Variants in DNAH10 observed in about 807,000 individuals in gnomAD.
DNAH10 encodes the protein dynein axonemal heavy chain 10.
In DNAH10, 348 loss-of-function variants were observed where a neutral mutation model predicts 506.6. The ratio of observed to expected loss-of-function variants is 0.69; its 90% CI spans 0.63 to 0.75. DNAH10 has a LOEUF of 0.75. DNAH10 is among the 30% of genes least tolerant of loss of function. DNAH10 has a pLI of 0.00. For synonymous variants in DNAH10, 2,059 were observed against 2,198.6 expected, an observed-to-expected ratio of 0.94 and a Z score of 1.78; for missense variants, 5,179 against 5,787.1, an observed-to-expected ratio of 0.89 and a Z score of 3.41.
Position 123,826,672 on chromosome 12 carries a change from C to T in DNAH10, c.4180-15C>T, listed in dbSNP as rs1341317272. The T allele has an allele frequency of 6.2e-7, 1 of 1,611,390 alleles. No individual in the cohort carries two copies. The stretch of plus-strand genomic sequence containing the variant: ...GGGGTCTTTGTTGATGGAGCTGTTC[C>T]TTGCACGTTTCCAGGTTGCAAAAGA... On this transcript the variant is annotated splice_polypyrimidine_tract_variant and intron_variant, in intron 24 of 78. Transcript: ENST00000673944.
intron 18 of DNAH10, among the ~76,000 whole-genome samples, chr12:123,808,352 C>T (rs1375604931): frequency 6.6e-6 from 1 of 152,008 alleles, no homozygotes; most frequent in Non-Finnish European, 1.5e-5. Flanking sequence ...AATAGTGTCT[C>T]TGGCTGCCAT....
At position 123,784,073 on chromosome 12, in the gene DNAH10, A is replaced by G. The variant is rs377654704; in HGVS notation, c.1126A>G (p.Met376Val). ...VLDVIKESDS[M>V]LVANLQPVFT... is the part of the protein sequence containing the mutation. The stretch of plus-strand genomic sequence containing the variant: ...GGATGTGATCAAGGAATCCGACTCC[A>G]TGCTTGTGGCTAATCTGCAGCCAGT... Residue 376 changes from methionine (M) to valine (V), a missense_variant, in exon 8 of 79, where the codon ATG (methionine) becomes GTG (valine). This residue lies in a region of DNAH10 where 4,844 missense variants were observed against 5,430.5 expected (regional missense o/e 0.89). Transcript: ENST00000673944. 3.5e-5 allele frequency: 56 copies of G among 1,614,112 alleles called. No individual in the cohort carries two copies. The highest frequency in any genetic ancestry group is 4.3e-5 in the Non-Finnish European group (51 of 1,180,050).
chr12:123,799,573 C>A lies in DNAH10; in HGVS notation c.2289+202C>A, dbSNP rs930608165. Reference sequence around the variant, plus strand: ...TAGGACGCGGGCTGGAAACGGGCAGCCCTACTGACTTCTTGGGCAAGTGGC... The same window carrying A: ...TAGGACGCGGGCTGGAAACGGGCAGACCTACTGACTTCTTGGGCAAGTGGC... On this transcript the variant is annotated intron_variant, in intron 14 of 78. Transcript: ENST00000673944. Among the ~76,000 whole-genome samples the A allele has an allele frequency of 1.3e-5, 2 of 152,102 alleles. 1 individual carries two copies. The highest frequency in any genetic ancestry group is 1.3e-4 in the Admixed American group (2 of 15,260).
chr12:123,905,824 A>G (rs1045995044), intron 57 of DNAH10, among the ~76,000 whole-genome samples: 1 of 151,906 alleles, frequency 6.6e-6, no homozygotes, highest in Non-Finnish European at 1.5e-5. Flanking sequence ...CTGGTTTGTC[A>G]TGGGCTATTT....
chr12:123,923,841 A>T lies in DNAH10; in HGVS notation c.11585A>T (p.Gln3862Leu). ...GAACAAGCAGAAGGGAGAGTCCCTCAAGAAGAACTAGATTTCTTTTTAAAA... is the reference window on the plus strand; with the variant it reads ...GAACAAGCAGAAGGGAGAGTCCCTCTAGAAGAACTAGATTTCTTTTTAAAA... ...KIEQAEGRVP[Q>L]EELDFFLKGN... The change falls in exon 66 of 79, where the codon CAA becomes CTA. Residue 3862 changes from glutamine to leucine, a missense_variant. This residue lies in a region of DNAH10 where 4,844 missense variants were observed against 5,430.5 expected (regional missense o/e 0.89). Coordinates refer to ENST00000673944, the MANE Select transcript of DNAH10 (RefSeq NM_001372106.1). The T allele has an allele frequency of 6.2e-7, 1 of 1,610,984 alleles. No homozygotes were observed. The highest frequency in any genetic ancestry group is 8.5e-7 in the Non-Finnish European group (1 of 1,179,076).
chr12:123,918,924 C>T lies in DNAH10; in HGVS notation c.11481C>T (p.Phe3827=), dbSNP rs769201538. ...GGAACATCATGGACACGCTGACCTTCAGCATCTATAACCACGGCTGCACAG... is the reference window on the plus strand; with the variant it reads ...GGAACATCATGGACACGCTGACCTTTAGCATCTATAACCACGGCTGCACAG... The part of the protein sequence containing the change: ...RLRNIMDTLT[F]SIYNHGCTGL... Residue 3827 remains phenylalanine, a synonymous_variant, in exon 65 of 79, where the codon TTC becomes TTT. Transcript: ENST00000673944. 3 of 1,613,258 alleles carry T rather than the reference C, an allele frequency of 1.9e-6. No homozygotes were observed. In the Admixed American group the frequency reaches 5.0e-5, roughly 27 times the overall value.
chr12:123,794,480 A>G (rs1428409361), intron 12 of DNAH10, among the ~76,000 whole-genome samples: 1 of 152,204 alleles, frequency 6.6e-6, no homozygotes, highest in Non-Finnish European at 1.5e-5. Context: ...AGGCACAGAG[A>G]TAGAGAGATG....
At position 123,871,564 on chromosome 12, in the gene DNAH10, A is replaced by G; in HGVS notation, c.7747A>G (p.Thr2583Ala). ...ATCTGGCACTTCTAAGACAGCCACT[A>G]CCCAGAATTTCCTCAAAAATCTGAG... ...GESGTSKTAT[T>A]QNFLKNLSEE... The change falls in exon 45 of 79, where the codon ACC becomes GCC. Residue 2583 changes from threonine to alanine, a missense_variant. Physicochemically the swap from Thr to Ala is moderately conservative, Grantham distance 58. Coordinates refer to ENST00000673944, the MANE Select transcript of DNAH10 (RefSeq NM_001372106.1). The G allele has an allele frequency of 6.4e-7, 1 of 1,551,584 alleles. No individual in the cohort carries two copies. The highest frequency in any genetic ancestry group is 8.7e-7 in the Non-Finnish European group (1 of 1,147,124).
intron 52 of DNAH10, among the ~76,000 whole-genome samples, chr12:123,887,849 A>G (rs1188932663): frequency 1.3e-5 from 2 of 151,252 alleles, no homozygotes; most frequent in Admixed American, 6.6e-5. Context: ...GGTTCACACC[A>G]TTCTCCTGCC....
intron 19 of DNAH10, among the ~76,000 whole-genome samples, chr12:123,811,836 G>T (rs1460560841): frequency 6.6e-6 from 1 of 151,218 alleles, no homozygotes; most frequent in South Asian, 2.1e-4. Context: ...ACAGGGTTTC[G>T]CTATTTTGGC....
chr12:123,771,694 C>T lies in DNAH10; in HGVS notation c.392C>T (p.Ser131Phe). The T allele has an allele frequency of 6.2e-7, 1 of 1,609,390 alleles. No individual in the cohort carries two copies. Among genetic ancestry groups the T allele is most frequent in the Non-Finnish European group, 8.5e-7 (1 of 1,177,772 alleles). Residue 131 changes from serine to phenylalanine, a missense_variant, in exon 3 of 79, where the codon TCC becomes TTC. By Grantham distance (155) the Ser-to-Phe change is radical (BLOSUM62 -2). Transcript: ENST00000673944. Reference protein sequence around the residue: ...MDKEISEKLPSKRTAKHIMEK... With the variant: ...MDKEISEKLPFKRTAKHIMEK... ...AAAGAGATTTCAGAAAAACTCCCTT[C>T]CAAAGTAAGCATGGCTCTTTGTCCT...
intron 3 of DNAH10, among the ~76,000 whole-genome samples, chr12:123,772,501 T>A (rs1295587990): frequency 6.6e-6 from 1 of 152,258 alleles, no homozygotes; most frequent in African/African-American, 2.4e-5. Flanking sequence ...GCATTCAGCC[T>A]GGCCTATGCT....
rs1196205698 is a variant in DNAH10, at chr12:123,917,052, A to T, written c.11002+316A>T. 2.0e-5 allele frequency among the ~76,000 whole-genome samples: 3 copies of T among 150,606 alleles called. No homozygotes were observed. The highest frequency in any genetic ancestry group is 1.9e-4 in the East Asian group (1 of 5,158). Reference sequence around the variant, plus strand: ...TTTAAAATACATGTTGTGATGTTGAATTTTTTTTTTCTTCCTCTCAGTTGA... The same window carrying T: ...TTTAAAATACATGTTGTGATGTTGATTTTTTTTTTTCTTCCTCTCAGTTGA... On this transcript the variant is annotated intron_variant, in intron 63 of 78. Coordinates refer to ENST00000673944, the MANE Select transcript of DNAH10 (RefSeq NM_001372106.1). The surrounding 1 kb of genome is among the most constrained non-coding windows in gnomAD (Gnocchi z 5.6).
rs771956748 is a variant in DNAH10, at chr12:123,833,142, A to G, written c.4574A>G (p.Glu1525Gly). 2.0e-5 allele frequency: 33 copies of G among 1,612,980 alleles called. No homozygotes were observed. The East Asian group carries it at 3.6e-4, about 17-fold the overall frequency. ...KAVKEILDTW[E>G]NMKFTVVKYC... The stretch of plus-strand genomic sequence containing the variant: ...GTGAAGGAAATCCTAGACACGTGGG[A>G]AAATATGAAATTCACTGTAGTCAAG... The change falls in exon 27 of 79, where the codon GAA (glutamate) becomes GGA (glycine). Residue 1525 changes from glutamate to glycine, a missense_variant. Physicochemically the swap from Glu to Gly is moderately conservative, Grantham distance 98 (BLOSUM62 -2). Coordinates refer to ENST00000673944, the MANE Select transcript of DNAH10 (RefSeq NM_001372106.1).
At chr12:123,770,100 T>C (rs1325008008) in intron 2 of DNAH10, among the ~76,000 whole-genome samples, 1 of 151,592 alleles carries the variant, frequency 6.6e-6, no homozygotes, top group African/African-American at 2.4e-5. Flanking sequence ...ATTAGCCAGG[T>C]AGCCAGGCAT....
chr12:123,872,189 C>T (rs949306915), intron 45 of DNAH10, among the ~76,000 whole-genome samples: 1 of 152,054 alleles, frequency 6.6e-6, no homozygotes, highest in African/African-American at 2.4e-5. Context: ...TTCCTTCCTC[C>T]AGCCAGCTAT....
intron 21 of DNAH10, among the ~76,000 whole-genome samples, chr12:123,817,099 CTTTTTTTT>C (rs755698934): frequency 2.3e-5 from 2 of 87,014 alleles, no homozygotes; most frequent in African/African-American, 8.7e-5. Flanking sequence ...TCCAGTCTAA[CTTTTTTTT>C]TTTTTTTTTT....
chr12:123,898,634 A>G lies in DNAH10; in HGVS notation c.9479-19A>G. 6.6e-7 allele frequency: 1 copy of G among 1,507,816 alleles called. No homozygotes were observed. The allele number at this position is 1,507,816 out of a possible 1,614,324, so 93.4% of individuals were successfully genotyped here. A position where few individuals can be genotyped will look rare whatever the true frequency, so the allele number is the denominator to read the frequency against. On this transcript the variant is annotated intron_variant, in intron 55 of 78. Transcript: ENST00000673944. ...CAGTGGCCACCTCGACGATGAACAT[A>G]GGTGCCCTCTTTCCTCAGCTCAGTG... is the stretch of plus-strand genomic sequence containing the variant.
intron 18 of DNAH10, among the ~76,000 whole-genome samples, chr12:123,808,132 A>G: frequency 6.6e-6 from 1 of 152,122 alleles, no homozygotes; most frequent in East Asian, 1.9e-4. Context: ...TCCCTGTCTC[A>G]AGCAATTCTC....
Sources: gnomAD v4.1 joint callset for allele counts (sites outside exome capture counted in the v4.1 genomes callset) on GRCh38, gnomAD v4.1.1 for gene constraint, gnomAD v4.1.1 regional missense constraint, Gnocchi (gnomAD v3.1) non-coding constraint, MANE v1.5 for transcripts, NCBI Gene and HGNC (gene_info 2026-07-23, HGNC 2026-07-21) for gene names.